Variants in SPATA16 observed in about 807,000 individuals in gnomAD.
The protein encoded by SPATA16 is spermatogenesis-associated protein 16.
Under a neutral mutation model 63.3 loss-of-function variants are expected in SPATA16, and 36 were observed. The observed-to-expected ratio is 0.57, with a 90% CI of 0.44 to 0.75. The LOEUF is 0.75. Among genes scored for constraint, SPATA16 ranks in the 30% least tolerant of loss-of-function variants. The pLI is 0.00. For missense variants in SPATA16, 646 were observed against 679.3 expected, an observed-to-expected ratio of 0.95 and a Z score of 0.54; for synonymous variants, 203 against 216.7, an observed-to-expected ratio of 0.94 and a Z score of 0.56.
chr3:172,966,673 T>C (rs1326843379), intron 5 of SPATA16, among the ~76,000 whole-genome samples: 1 of 152,152 alleles, frequency 6.6e-6, no homozygotes, highest in Admixed American at 6.5e-5. Flanking sequence ...CTTCAAAAAT[T>C]AGCGAAGAAA....
intron 8 of SPATA16, among the ~76,000 whole-genome samples, chr3:172,921,785 C>G (rs1381841262): frequency 6.6e-6 from 1 of 152,172 alleles, no homozygotes; most frequent in Non-Finnish European, 1.5e-5. Flanking sequence ...CACAACAACT[C>G]TGTGAAGTGG....
Position 173,117,610 on chromosome 3 carries a change from A to C in SPATA16, c.122T>G (p.Leu41Arg). The change falls in exon 2 of 11, where the codon CTG becomes CGG. Residue 41 changes from leucine to arginine, a missense_variant. Transcript: ENST00000351008. ...MSTLAHPPNI[L>R]EMSQEIKKNC... Reference sequence around the variant, plus strand: ...TTTCTTAATCTCTTGTGACATTTCCAGGATGTTAGGTGGGTGCGCTAAGGT... The same window carrying C: ...TTTCTTAATCTCTTGTGACATTTCCCGGATGTTAGGTGGGTGCGCTAAGGT... The C allele has an allele frequency of 6.2e-7, 1 of 1,613,586 alleles. No homozygotes were observed. The highest frequency in any genetic ancestry group is 1.1e-5 in the South Asian group (1 of 91,020).
rs879738134 is a variant in SPATA16, at chr3:172,961,057, T to C, written c.934-4233A>G. ...CTTTCTTTCTTTCTTTCTTCTTTCT[T>C]TCTTTCTTCTTTCTTCCTTCCTTCC... On this transcript the variant is annotated intron_variant, in intron 5 of 10. Coordinates refer to ENST00000351008, the MANE Select transcript of SPATA16 (RefSeq NM_031955.6). Among the ~76,000 whole-genome samples the C allele has an allele frequency of 1.1e-3, 53 of 46,684 alleles. 3 individuals are homozygous for C. The highest frequency in any genetic ancestry group is 2.2e-3 in the Non-Finnish European group (44 of 20,180). The allele number at this position is 46,684 out of a possible 152,430, so 30.6% of individuals were successfully genotyped here.
At chr3:173,061,045 T>C (rs373144337) in intron 2 of SPATA16, among the ~76,000 whole-genome samples, 7 of 152,310 alleles carry the variant, frequency 4.6e-5, no homozygotes, top group African/African-American at 1.4e-4. Context: ...CTTTTACATA[T>C]AGAACTTCCT....
intron 2 of SPATA16, among the ~76,000 whole-genome samples, chr3:173,076,697 T>C (rs1042263550): frequency 6.6e-6 from 1 of 152,160 alleles, no homozygotes; most frequent in Non-Finnish European, 1.5e-5. Flanking sequence ...TATTGTGACT[T>C]TTTAAAGAGT....
chr3:172,983,763 A>C (rs559076848), intron 4 of SPATA16, among the ~76,000 whole-genome samples: 1 of 152,084 alleles, frequency 6.6e-6, no homozygotes, highest in Admixed American at 6.5e-5. Context: ...ACACACTCAC[A>C]CACACACACA....
At chr3:173,014,687 A>G (rs1014372093) in intron 4 of SPATA16, among the ~76,000 whole-genome samples, 4 of 152,214 alleles carry the variant, frequency 2.6e-5, no homozygotes, top group African/African-American at 9.6e-5. Context: ...GCAAAGTTGA[A>G]CCTACATTCC....
In SPATA16 at chr3:173,042,853, T is replaced by G. The variant is rs545776972; in HGVS notation, c.758+6096A>C. On this transcript the variant is annotated intron_variant, in intron 3 of 10. Coordinates refer to ENST00000351008, the MANE Select transcript of SPATA16 (RefSeq NM_031955.6). ...GGTGTCTTAGTCTTAAATTGATTTC[T>G]AATTTAATTACATTATGGTTAGAGA... is the stretch of plus-strand genomic sequence containing the variant. 2.0e-4 allele frequency among the ~76,000 whole-genome samples: 31 copies of G among 152,314 alleles called. 1 individual carries two copies. In the South Asian group the frequency reaches 4.6e-3, roughly 22 times the overall value.
chr3:173,128,791 T>C lies in SPATA16; in HGVS notation c.-18-11042A>G, dbSNP rs552105538. Among the ~76,000 whole-genome samples the C allele has an allele frequency of 2.6e-4, 39 of 152,386 alleles. 1 individual carries two copies. Among genetic ancestry groups the C allele is most frequent in the Admixed American group, 1.8e-3 (28 of 15,302 alleles). On this transcript the variant is annotated intron_variant, in intron 1 of 10. Transcript: ENST00000351008. ...GCTAGAGCAAGTTTTCCCAGAAAAT[T>C]ACTTTTTTGGTAATGCTACTTTTCT...
At chr3:173,023,708 T>A (rs919658443) in intron 3 of SPATA16, among the ~76,000 whole-genome samples, 1 of 151,766 alleles carries the variant, frequency 6.6e-6, no homozygotes, top group Non-Finnish European at 1.5e-5. Flanking sequence ...AAAGTTTTTT[T>A]AAATAGAAGT....
rs1732491009 is a variant in SPATA16, at chr3:172,916,469, C to G, written c.1351G>C (p.Ala451Pro). The change falls in exon 9 of 11, where the codon GCA becomes CCA. Residue 451 changes from alanine to proline, a missense_variant. Physicochemically the swap from Ala to Pro is conservative, Grantham distance 27. Transcript: ENST00000351008. The stretch of plus-strand genomic sequence containing the variant: ...AACTTCTCCATCACACCTGAGGATG[C>G]AGGAAAACTCCCCTAGTCTCAAAGT... ...RSTQLNGSFP[A>P]SSGVMEKLQY... 5 of 1,613,668 alleles carry G rather than the reference C, an allele frequency of 3.1e-6. No homozygotes were observed. Among genetic ancestry groups the G allele is most frequent in the African/African-American group, 2.7e-5 (2 of 74,974 alleles).
intron 2 of SPATA16, among the ~76,000 whole-genome samples, chr3:173,059,108 C>T (rs1361451543): frequency 6.6e-6 from 1 of 151,886 alleles, no homozygotes; most frequent in African/African-American, 2.4e-5. Context: ...GGTGTCATCC[C>T]CTGGGGCTCA....
At chr3:172,979,336 A>G (rs1734244996) in intron 4 of SPATA16, among the ~76,000 whole-genome samples, 1 of 152,258 alleles carries the variant, frequency 6.6e-6, no homozygotes, top group Non-Finnish European at 1.5e-5. Context: ...TCAAGGGACA[A>G]CATAACATGC....
At chr3:172,909,610 C>T (rs1283849087) in intron 10 of SPATA16, among the ~76,000 whole-genome samples, 2 of 152,166 alleles carry the variant, frequency 1.3e-5, no homozygotes, top group South Asian at 2.1e-4. Context: ...GTGAGTGAAC[C>T]ATCTTGGATT....
intron 3 of SPATA16, among the ~76,000 whole-genome samples, chr3:173,026,270 A>T (rs1441064564): frequency 2.0e-5 from 3 of 151,860 alleles, no homozygotes; most frequent in Non-Finnish European, 4.4e-5. Flanking sequence ...TTGCCATTTT[A>T]AAAAACTGGG....
intron 2 of SPATA16, among the ~76,000 whole-genome samples, chr3:173,081,217 T>G (rs921462995): frequency 2.0e-5 from 3 of 152,206 alleles, no homozygotes; most frequent in Non-Finnish European, 4.4e-5. Context: ...AAAATAGACT[T>G]GTATTCATAC....
intron 2 of SPATA16, among the ~76,000 whole-genome samples, chr3:173,049,301 C>T (rs1024028022): frequency 4.0e-5 from 6 of 151,502 alleles, no homozygotes; most frequent in African/African-American, 1.5e-4. Context: ...ATAAATTGTT[C>T]CTGTTCACTA....
intron 6 of SPATA16, among the ~76,000 whole-genome samples, chr3:172,934,053 A>G (rs1732928032): frequency 6.6e-6 from 1 of 152,156 alleles, no homozygotes; most frequent in Non-Finnish European, 1.5e-5. Flanking sequence ...ATCACTGGTA[A>G]CAAGACTTAC....
intron 4 of SPATA16, among the ~76,000 whole-genome samples, chr3:172,987,934 T>C (rs1734492769): frequency 6.6e-6 from 1 of 151,994 alleles, no homozygotes; most frequent in Non-Finnish European, 1.5e-5. Flanking sequence ...TCTGCTTGGG[T>C]AGGAAAAAAA....
Sources: gnomAD v4.1 joint callset for allele counts (sites outside exome capture counted in the v4.1 genomes callset) on GRCh38, gnomAD v4.1.1 for gene constraint, MANE v1.5 for transcripts, NCBI Gene and HGNC (gene_info 2026-07-23, HGNC 2026-07-21) for gene names.